The following MGAM2 variants were observed in gnomAD, a reference collection of about 807,000 sequenced individuals.
MGAM2 encodes the protein probable maltase-glucoamylase 2.
A neutral mutation model predicts 96.1 loss-of-function variants in MGAM2; 98 were observed. That is an observed-to-expected ratio of 1.02 (90% CI 0.87 to 1.21). The LOEUF is 1.21. Ranked by LOEUF, MGAM2 falls within the 50% of genes most tolerant of loss-of-function variation. The probability of loss-of-function intolerance (pLI) is 0.00; values close to 1 mark genes in which losing one functional copy is unlikely to be tolerated. For synonymous variants in MGAM2, 749 were observed against 414.8 expected (o/e 1.81, Z -9.79); for missense variants, 2,055 against 1,182.4 (o/e 1.74, Z -10.82).
intron 32 of MGAM2, among the ~76,000 whole-genome samples, chr7:142,181,883 C>G (rs1403988952): frequency 2.6e-5 from 4 of 152,180 alleles, no homozygotes; most frequent in Non-Finnish European, 4.4e-5. Context: ...TTGCTCTCCC[C>G]CAACTGAGTC....
Position 142,186,532 on chromosome 7 carries a change from G to A in MGAM2, c.4122+409G>A, listed in dbSNP as rs75695949. On this transcript the variant is annotated intron_variant, in intron 35 of 47. Transcript: ENST00000477922. ...CAAGTAGACGTTTGCCATAGTACTGGGGCAGACAACTCTGAGGGAATGGCT... is the reference window on the plus strand; with the variant it reads ...CAAGTAGACGTTTGCCATAGTACTGAGGCAGACAACTCTGAGGGAATGGCT... Among the ~76,000 whole-genome samples, 1,428 of 152,294 alleles carry A rather than the reference G, an allele frequency of 9.4e-3. 18 individuals are homozygous for A. Among genetic ancestry groups the A allele is most frequent in the African/African-American group, 0.031 (1,308 of 41,552 alleles).
At chr7:142,133,354 T>C (rs941539272) in intron 6 of MGAM2, among the ~76,000 whole-genome samples, 14 of 149,310 alleles carry the variant, frequency 9.4e-5, no homozygotes, top group Non-Finnish European at 1.9e-4. Flanking sequence ...ATACTTGTGG[T>C]TTACATATAT....
chr7:142,203,056 T>C (rs530909188), intron 45 of MGAM2, among the ~76,000 whole-genome samples: 12 of 152,350 alleles, frequency 7.9e-5, no homozygotes, highest in Non-Finnish European at 1.8e-4. Flanking sequence ...CATTTTTTCA[T>C]GTTTATTGGC....
Position 142,166,092 on chromosome 7 carries a change from C to A in MGAM2, c.2653-6C>A. On this transcript the variant is annotated splice_polypyrimidine_tract_variant and splice_region_variant and intron_variant, in intron 24 of 47. Transcript: ENST00000477922. ...CCTTTGTCACTGTGACTGTCTCTTT[C>A]CCCAGGTGGTAACCATCACTGATCT... 1.5e-6 allele frequency: 1 copy of A among 686,440 alleles called. No individual in the cohort carries two copies. The highest frequency in any genetic ancestry group is 2.7e-5 in the East Asian group (1 of 36,676). 42.5% of individuals were successfully genotyped at this position (686,440 alleles called of 1,614,324 possible).
intron 37 of MGAM2, among the ~76,000 whole-genome samples, chr7:142,193,768 G>A (rs1304078644): frequency 6.6e-6 from 1 of 152,078 alleles, no homozygotes; most frequent in Admixed American, 6.6e-5. Flanking sequence ...TCCACACCTG[G>A]GTTCAGTCAT....
intron 23 of MGAM2, 77 bp downstream of exon 23, chr7:142,162,081 A>G: frequency 1.6e-6 from 1 of 606,200 alleles, no homozygotes; most frequent in Non-Finnish European, 2.9e-6. Flanking sequence ...TTTAATATAG[A>G]CACATGGTTA....
chr7:142,184,148 T>C (rs979211809), intron 33 of MGAM2, among the ~76,000 whole-genome samples: 1 of 151,792 alleles, frequency 6.6e-6, no homozygotes, highest in Non-Finnish European at 1.5e-5. Context: ...AATTTTTGTA[T>C]TTTTAGTAGA....
At chr7:142,117,988 C>T (rs987528280) in intron 2 of MGAM2, among the ~76,000 whole-genome samples, 1 of 149,258 alleles carries the variant, frequency 6.7e-6, no homozygotes, top group Non-Finnish European at 1.5e-5. Flanking sequence ...GAAAGGGGGG[C>T]TTTAAAATCA....
At chr7:142,189,634 G>A in intron 37 of MGAM2, 129 bp downstream of exon 37, 1 of 480,770 alleles carries the variant, frequency 2.1e-6, no homozygotes, top group Non-Finnish European at 3.7e-6. Flanking sequence ...TTCAGGCACG[G>A]TTGCCCAAGC....
chr7:142,139,314 T>C (rs1795148833), intron 10 of MGAM2, among the ~76,000 whole-genome samples: 2 of 152,182 alleles, frequency 1.3e-5, no homozygotes, highest in South Asian at 4.1e-4. Context: ...AATGAATTTA[T>C]CAAAACAACT....
At chr7:142,139,610 A>G (rs917298342) in intron 10 of MGAM2, among the ~76,000 whole-genome samples, 18 of 149,216 alleles carry the variant, frequency 1.2e-4, no homozygotes, top group Non-Finnish European at 2.4e-4. Flanking sequence ...TAGTGAGCTG[A>G]GATCGCGCCA....
chr7:142,180,406 G>C (rs1326050137), intron 32 of MGAM2, among the ~76,000 whole-genome samples: 1 of 151,884 alleles, frequency 6.6e-6, no homozygotes, highest in Non-Finnish European at 1.5e-5. Context: ...GGGTAAGTTT[G>C]TTCCTGTTTT....
chr7:142,207,651 G>A (rs1336834833), intron 45 of MGAM2, among the ~76,000 whole-genome samples: 1 of 151,972 alleles, frequency 6.6e-6, no homozygotes, highest in East Asian at 1.9e-4. Context: ...GGACGGTCTC[G>A]AGCTCCTGAC....
intron 22 of MGAM2, 28 bp from the exon 23 acceptor site, chr7:142,161,927 G>A (rs745596341): frequency 1.5e-5 from 10 of 672,812 alleles, no homozygotes; most frequent in African/African-American, 3.6e-5. Context: ...GCTTCCCATA[G>A]TAACCGGTAC....
At chr7:142,167,549 G>T in intron 26 of MGAM2, 63 bp downstream of exon 26, 1 of 684,750 alleles carries the variant, frequency 1.5e-6, no homozygotes, top group Non-Finnish European at 2.7e-6. Context: ...GTGCTGTATG[G>T]ATAGAAGTCA....
chr7:142,159,325 C>G lies in MGAM2; in HGVS notation c.2202C>G (p.Thr734=), dbSNP rs1011475865. The part of the protein sequence containing the change: ...DEVKAYIPDA[T]WYDYETGVAI... ...TGAAAGCATACATACCTGATGCCACCTGGTATGACTATGAGACAGTAAGTA... is the reference window on the plus strand; with the variant it reads ...TGAAAGCATACATACCTGATGCCACGTGGTATGACTATGAGACAGTAAGTA... Residue 734 remains threonine, a synonymous_variant, in exon 20 of 48, where the codon ACC becomes ACG. Transcript: ENST00000477922. 7.1e-6 allele frequency: 5 copies of G among 702,438 alleles called. No individual in the cohort carries two copies. Among genetic ancestry groups the G allele is most frequent in the Non-Finnish European group, 1.3e-5 (5 of 384,668 alleles). The allele number at this position is 702,438 out of a possible 1,614,324, so 43.5% of individuals were successfully genotyped here.
chr7:142,116,541 T>C (rs1157649852), intron 1 of MGAM2, among the ~76,000 whole-genome samples: 1 of 152,220 alleles, frequency 6.6e-6, no homozygotes, highest in African/African-American at 2.4e-5. Flanking sequence ...CTAAAGGGTT[T>C]TGTGAGCTAC....
At chr7:142,161,821 GA>G (rs1795895604) in intron 22 of MGAM2, 133 bp from the exon 23 acceptor site, 1 of 487,378 alleles carries the variant, frequency 2.1e-6, no homozygotes, top group Non-Finnish European at 3.6e-6. Flanking sequence ...GCAGAAGTTT[GA>G]AAAAAATGCA....
chr7:142,173,251 T>A lies in MGAM2; in HGVS notation c.3584T>A (p.Ile1195Asn), dbSNP rs1456139236. 2 of 703,148 alleles carry A rather than the reference T, an allele frequency of 2.8e-6. No homozygotes were observed. The highest frequency in any genetic ancestry group is 1.5e-5 in the South Asian group (1 of 67,594). 43.6% of individuals were successfully genotyped at this position (703,148 alleles called of 1,614,324 possible). A position where few individuals can be genotyped will look rare whatever the true frequency, so the allele number is the denominator to read the frequency against. Reference sequence around the variant, plus strand: ...TAGTTGATTGGTCGGCCAGCAATGATTCCATACTGGGCCTTGGGATTCCAT... The same window carrying A: ...TAGTTGATTGGTCGGCCAGCAATGAATCCATACTGGGCCTTGGGATTCCAT... ...YTELIGRPAM[I>N]PYWALGFHLS... Residue 1195 changes from isoleucine to asparagine, a missense_variant, in exon 31 of 48, where the codon ATT becomes AAT. By Grantham distance (149) the Ile-to-Asn change is moderately radical (BLOSUM62 -3). Coordinates refer to ENST00000477922, the MANE Select transcript of MGAM2 (RefSeq NM_001293626.2).
Sources: gnomAD v4.1 joint callset for allele counts (sites outside exome capture counted in the v4.1 genomes callset) on GRCh38, gnomAD v4.1.1 for gene constraint, MANE v1.5 for transcripts, NCBI Gene and HGNC (gene_info 2026-07-23, HGNC 2026-07-21) for gene names.